The following CRPPA variants were observed in gnomAD, a reference collection of about 807,000 sequenced individuals.
CRPPA encodes CDP-L-ribitol pyrophosphorylase A, also known as D-ribitol-5-phosphate cytidylyltransferase.
In CRPPA, 43 loss-of-function variants were observed where a neutral mutation model predicts 52.0. The ratio of observed to expected loss-of-function variants is 0.83; its 90% CI spans 0.65 to 1.07. CRPPA has a LOEUF of 1.07. Ranked by LOEUF, CRPPA falls within the 50% of genes least tolerant of loss-of-function variation. The probability of loss-of-function intolerance (pLI) is 0.00; values close to 1 mark genes in which losing one functional copy is unlikely to be tolerated. For missense variants in CRPPA, 629 were observed against 551.7 expected, an observed-to-expected ratio of 1.14 and a Z score of -1.40; for synonymous variants, 250 against 203.5, an observed-to-expected ratio of 1.23 and a Z score of -1.94.
intron 1 of CRPPA, among the ~76,000 whole-genome samples, chr7:16,419,464 C>T (rs80322925): frequency 0.1 from 15,611 of 152,214 alleles, 937 homozygotes; most frequent in South Asian, 0.25. Flanking sequence ...CCTTTCTTGC[C>T]TGGGGACCAG....
chr7:16,401,740 T>A (rs988913108), intron 2 of CRPPA, among the ~76,000 whole-genome samples: 1 of 152,216 alleles, frequency 6.6e-6, no homozygotes, highest in African/African-American at 2.4e-5. Flanking sequence ...AAAGTCCTCA[T>A]TGCCACTTCT....
chr7:16,234,686 G>C (rs977770110), intron 8 of CRPPA, among the ~76,000 whole-genome samples: 1 of 152,050 alleles, frequency 6.6e-6, no homozygotes, highest in African/African-American at 2.4e-5. Flanking sequence ...GACAGCACTA[G>C]AACAGGGTAC....
chr7:16,357,106 C>T (rs1248190256), intron 3 of CRPPA, among the ~76,000 whole-genome samples: 1 of 152,092 alleles, frequency 6.6e-6, no homozygotes, highest in African/African-American at 2.4e-5. Context: ...CCATGGGTCC[C>T]TCAGGATATC....
chr7:16,145,450 C>T (rs1562525354), intron 9 of CRPPA, among the ~76,000 whole-genome samples: 2 of 152,038 alleles, frequency 1.3e-5, no homozygotes, highest in Non-Finnish European at 2.9e-5. Context: ...AATATGACAC[C>T]ATCGAAAGAA....
chr7:16,100,042 A>G (rs565215272), intron 9 of CRPPA, among the ~76,000 whole-genome samples: 20 of 152,262 alleles, frequency 1.3e-4, no homozygotes, highest in Non-Finnish European at 2.4e-4. Context: ...CCTTCACTCT[A>G]TCAAACTCAC....
intron 9 of CRPPA, among the ~76,000 whole-genome samples, chr7:16,196,898 G>C (rs149043005): frequency 6.6e-6 from 1 of 151,928 alleles, no homozygotes; most frequent in African/African-American, 2.4e-5. Context: ...AACCTAATGA[G>C]GTATATTATT....
chr7:16,286,787 A>T (rs1467332943), intron 5 of CRPPA, among the ~76,000 whole-genome samples: 2 of 152,196 alleles, frequency 1.3e-5, no homozygotes, highest in African/African-American at 2.4e-5. Context: ...ATATCAACAC[A>T]AACCCAGCAT....
chr7:16,272,535 T>C (rs1784113240), intron 6 of CRPPA, among the ~76,000 whole-genome samples: 1 of 152,224 alleles, frequency 6.6e-6, no homozygotes. Context: ...TTTTACACAT[T>C]CCTTTCAAAG....
intron 9 of CRPPA, among the ~76,000 whole-genome samples, chr7:16,147,942 C>T (rs1286460414): frequency 6.6e-6 from 1 of 152,092 alleles, no homozygotes; most frequent in African/African-American, 2.4e-5. Flanking sequence ...TGTAATATTT[C>T]AGATTTTTCA....
intron 1 of CRPPA, among the ~76,000 whole-genome samples, chr7:16,416,950 A>G (rs1329571154): frequency 6.6e-6 from 1 of 152,216 alleles, no homozygotes; most frequent in African/African-American, 2.4e-5. Flanking sequence ...ACTGTAAACA[A>G]CTGAACCAGC....
intron 3 of CRPPA, among the ~76,000 whole-genome samples, chr7:16,325,445 G>C (rs1309742081): frequency 6.6e-6 from 1 of 152,074 alleles, no homozygotes; most frequent in South Asian, 2.1e-4. Context: ...CTTCAAAATG[G>C]AGTCTCTTTT....
intron 9 of CRPPA, among the ~76,000 whole-genome samples, chr7:16,185,335 C>A (rs1781484968): frequency 6.6e-6 from 1 of 152,160 alleles, no homozygotes; most frequent in South Asian, 2.1e-4. Flanking sequence ...CCACATGATT[C>A]CATTATCTCC....
intron 9 of CRPPA, among the ~76,000 whole-genome samples, chr7:16,175,009 T>G (rs1275796466): frequency 6.6e-6 from 1 of 152,178 alleles, no homozygotes; most frequent in Non-Finnish European, 1.5e-5. Flanking sequence ...TTTGTTGGTT[T>G]TTGAGCAACA....
chr7:16,107,073 T>G (rs1017070204), intron 9 of CRPPA, among the ~76,000 whole-genome samples: 1 of 151,916 alleles, frequency 6.6e-6, no homozygotes, highest in Non-Finnish European at 1.5e-5. Context: ...ATTATACAGT[T>G]AGTGAAGAAG....
chr7:16,374,875 T>A lies in CRPPA; in HGVS notation c.684+1217A>T, dbSNP rs1786842305. On this transcript the variant is annotated intron_variant, in intron 3 of 9. Coordinates refer to ENST00000407010, the MANE Select transcript of CRPPA (RefSeq NM_001101426.4). ...CAGCTACCTCCTCCCATTTCTCTAC[T>A]CAATATGTATAAAAGTTCCTCCAAA... Among the ~76,000 whole-genome samples the A allele has an allele frequency of 3.9e-5, 6 of 152,300 alleles. No individual in the cohort carries two copies. The South Asian group carries it at 1.2e-3, about 32-fold the overall frequency.
chr7:16,338,542 A>G (rs535162090), intron 3 of CRPPA, among the ~76,000 whole-genome samples: 27 of 152,082 alleles, frequency 1.8e-4, no homozygotes, highest in African/African-American at 6.0e-4. Flanking sequence ...TAAGAAAAAA[A>G]GAGGGTAAAA....
Position 16,089,455 on chromosome 7 carries a change from A to C in CRPPA, c.*2240T>G, listed in dbSNP as rs1469344898. 3.0e-6 allele frequency: 1 copy of C among 331,884 alleles called. No homozygotes were observed. The allele number at this position is 331,884 out of a possible 1,614,324, so 20.6% of individuals were successfully genotyped here. A position where few individuals can be genotyped will look rare whatever the true frequency, so the allele number is the denominator to read the frequency against. The stretch of plus-strand genomic sequence containing the variant: ...TGTGTATATATGTACGTGCATACAT[A>C]TATGTGTATATATGTACGTACATAT... On this transcript the variant is annotated 3_prime_UTR_variant, in exon 10 of 10. Coordinates refer to ENST00000407010, the MANE Select transcript of CRPPA (RefSeq NM_001101426.4).
At chr7:16,117,067 G>A (rs868264011) in intron 9 of CRPPA, among the ~76,000 whole-genome samples, 1 of 152,096 alleles carries the variant, frequency 6.6e-6, no homozygotes, top group Non-Finnish European at 1.5e-5. Flanking sequence ...ACTTCCACAT[G>A]TATTTTTCTG....
At chr7:16,181,781 C>T (rs1433744952) in intron 9 of CRPPA, among the ~76,000 whole-genome samples, 1 of 151,776 alleles carries the variant, frequency 6.6e-6, no homozygotes, top group South Asian at 2.1e-4. Context: ...CACTTTTATG[C>T]TTTAAAATAG....
Sources: gnomAD v4.1 joint callset for allele counts (sites outside exome capture counted in the v4.1 genomes callset) on GRCh38, gnomAD v4.1.1 for gene constraint, MANE v1.5 for transcripts, NCBI Gene and HGNC (gene_info 2026-07-23, HGNC 2026-07-21) for gene names.